The following COL4A1 variants were observed in gnomAD, a reference collection of about 807,000 sequenced individuals.
The protein encoded by COL4A1 is collagen alpha-1(IV) chain.
A neutral mutation model predicts 216.6 loss-of-function variants in COL4A1; 40 were observed. The observed-to-expected ratio is 0.18, with a 90% CI of 0.14 to 0.24. The LOEUF is 0.24. Ranked by LOEUF, COL4A1 falls within the 10% of genes least tolerant of loss-of-function variation. The probability of loss-of-function intolerance (pLI) is 1.00; values close to 1 mark genes in which losing one functional copy is unlikely to be tolerated. For missense variants in COL4A1, 1,628 were observed against 2,196.8 expected (o/e 0.74, Z 5.18); for synonymous variants, 839 against 810.7 (o/e 1.03, Z -0.59).
intron 1 of COL4A1, among the ~76,000 whole-genome samples, chr13:110,272,873 A>G (rs1883295978): frequency 1.3e-5 from 2 of 152,202 alleles, no homozygotes; most frequent in African/African-American, 4.8e-5. Flanking sequence ...ACCTGTCACC[A>G]TCAATAAGGT....
rs111460227 is a variant in COL4A1, at chr13:110,175,539, C to T, written c.3059-182G>A. 1.1e-4 allele frequency among the ~76,000 whole-genome samples: 16 copies of T among 152,334 alleles called. 1 individual carries two copies. Among genetic ancestry groups the T allele is most frequent in the South Asian group, 4.1e-4 (2 of 4,832 alleles). On this transcript the variant is annotated intron_variant, in intron 36 of 51. Transcript: ENST00000375820. ...ATCAATCGGCTCATGACCCAGAACA[C>T]GTCAGTCACCCAGATCACATCAGAG...
chr13:110,240,374 C>T (rs1566404657), intron 2 of COL4A1, among the ~76,000 whole-genome samples: 1 of 152,224 alleles, frequency 6.6e-6, no homozygotes, highest in East Asian at 1.9e-4. Context: ...GAGCAGGATC[C>T]TGCTCCTTCC....
chr13:110,181,487 C>T (rs371835969), intron 28 of COL4A1, 98 bp from the exon 29 acceptor site: 427 of 1,237,250 alleles, frequency 3.5e-4, no homozygotes, highest in Middle Eastern at 6.5e-4. Context: ...CCAGAGATGC[C>T]GACCTGATCT....
chr13:110,207,296 G>C lies in COL4A1; in HGVS notation c.780+107C>G. On this transcript the variant is annotated intron_variant, in intron 13 of 51. Transcript: ENST00000375820. The surrounding 1 kb of genome is among the most constrained non-coding windows in gnomAD (Gnocchi z 4.4). ...GTCTATAAATCTGTTTTCCAGACCA[G>C]GATTGAATGTAGCTGGAAAAACTGA... The C allele has an allele frequency of 2.1e-6, 2 of 961,408 alleles. No homozygotes were observed. Among genetic ancestry groups the C allele is most frequent in the South Asian group, 2.6e-5 (2 of 75,680 alleles). 59.6% of individuals were successfully genotyped at this position (961,408 alleles called of 1,614,324 possible). A position where few individuals can be genotyped will look rare whatever the true frequency, so the allele number is the denominator to read the frequency against.
chr13:110,227,401 CACACACACACACACACACACACACAA>C (rs1880784532), intron 2 of COL4A1, among the ~76,000 whole-genome samples: 1 of 143,428 alleles, frequency 7.0e-6, no homozygotes, highest in Non-Finnish European at 1.5e-5. Context: ...CACACACACA[CACACACACACACACACACACACACAA>C]ACACACACAA....
At chr13:110,173,143 G>T (rs537865188) in intron 40 of COL4A1, among the ~76,000 whole-genome samples, 1 of 152,336 alleles carries the variant, frequency 6.6e-6, no homozygotes, top group African/African-American at 2.4e-5. Context: ...ATTTGGGGCA[G>T]CAGATGCTGG....
intron 46 of COL4A1, 24 bp downstream of exon 46, chr13:110,164,838 C>A: frequency 6.2e-7 from 1 of 1,612,898 alleles, no homozygotes; most frequent in South Asian, 1.1e-5. Context: ...CCCATACCGC[C>A]CTGCACAGGC....
chr13:110,186,527 A>T lies in COL4A1; in HGVS notation c.1755T>A (p.Arg585=), dbSNP rs1878414603. ...SPGSVGLKGE[R]GPPGGVGFPG... ...GGAATCCAACTCCTCCAGGGGGGCC[A>T]CGCTCTCCTTTCAATCCTACAGAAC... Residue 585 remains arginine, a synonymous_variant, in exon 26 of 52, where the codon CGT becomes CGA. Transcript: ENST00000375820. The T allele has an allele frequency of 6.2e-7, 1 of 1,613,918 alleles. No homozygotes were observed. Among genetic ancestry groups the T allele is most frequent in the South Asian group, 1.1e-5 (1 of 91,086 alleles).
intron 2 of COL4A1, among the ~76,000 whole-genome samples, chr13:110,235,313 A>ATAAACAATGG (rs1481122261): frequency 2.0e-5 from 3 of 152,202 alleles, no homozygotes; most frequent in Admixed American, 6.5e-5. Flanking sequence ...GGTTAATATA[A>ATAAACAATGG]TTTATAGGAA....
chr13:110,262,103 T>C (rs1882851694), intron 1 of COL4A1, among the ~76,000 whole-genome samples: 1 of 152,106 alleles, frequency 6.6e-6, no homozygotes, highest in South Asian at 2.1e-4. Flanking sequence ...AGGGGAGGAA[T>C]GGAAAGAGGA....
At chr13:110,175,122 C>G (rs1877822268) in intron 37 of COL4A1, 96 bp downstream of exon 37, 2 of 1,488,940 alleles carry the variant, frequency 1.3e-6, no homozygotes, top group Non-Finnish European at 1.9e-6. Flanking sequence ...TGTGTTATGG[C>G]TCATTGAGTG....
Position 110,179,354 on chromosome 13 carries a change from G to A in COL4A1, c.2261C>T (p.Pro754Leu), listed in dbSNP as rs1175046684. 2 of 1,613,894 alleles carry A rather than the reference G, an allele frequency of 1.2e-6. No homozygotes were observed. Among genetic ancestry groups the A allele is most frequent in the African/African-American group, 2.7e-5 (2 of 74,854 alleles). Residue 754 changes from proline (P) to leucine (L), a missense_variant, in exon 30 of 52, where the codon CCC (proline) becomes CTC (leucine). Coordinates refer to ENST00000375820, the MANE Select transcript of COL4A1 (RefSeq NM_001845.6). The part of the protein sequence containing the change: ...LPGLPGIPGT[P>L]GEKGSIGVPG... ...TACCCCAATGCTCCCCTTCTCCCCG[G>A]GTGTGCCAGGAATGCCGGGAAGACC...
intron 1 of COL4A1, among the ~76,000 whole-genome samples, chr13:110,262,468 G>T (rs1434552103): frequency 2.0e-5 from 3 of 152,244 alleles, no homozygotes; most frequent in Admixed American, 2.0e-4. Flanking sequence ...GCATTTTTCA[G>T]AAGTTCCTTT....
At chr13:110,157,065 T>TC (rs1876819665) in intron 49 of COL4A1, among the ~76,000 whole-genome samples, 1 of 152,176 alleles carries the variant, frequency 6.6e-6, no homozygotes, top group Admixed American at 6.5e-5. Flanking sequence ...TCAGACTGTC[T>TC]CTGGGCTGAG....
chr13:110,254,632 T>C (rs964397803), intron 1 of COL4A1, among the ~76,000 whole-genome samples: 1 of 152,138 alleles, frequency 6.6e-6, no homozygotes, highest in Non-Finnish European at 1.5e-5. Flanking sequence ...GTAGGACCAC[T>C]TTTTTTCCTT....
At chr13:110,189,681 T>C (rs1878549619) in intron 24 of COL4A1, among the ~76,000 whole-genome samples, 1 of 152,244 alleles carries the variant, frequency 6.6e-6, no homozygotes, top group Non-Finnish European at 1.5e-5. Context: ...TTGGGATTTT[T>C]AAACTGTTTC....
chr13:110,299,175 C>T (rs1884396267), intron 1 of COL4A1, among the ~76,000 whole-genome samples: 1 of 152,192 alleles, frequency 6.6e-6, no homozygotes, highest in Admixed American at 6.5e-5. Flanking sequence ...TGCAAACTAA[C>T]GTCCCGACAC....
rs952960450 is a variant in COL4A1, at chr13:110,149,529, A to G, written c.*834T>C. The G allele has an allele frequency of 3.9e-5, 6 of 152,658 alleles. No homozygotes were observed. The highest frequency in any genetic ancestry group is 1.4e-4 in the African/African-American group (6 of 41,454). 9.5% of individuals were successfully genotyped at this position (152,658 alleles called of 1,614,324 possible). Reference sequence around the variant, plus strand: ...AACCTGGGTTTGGTTTTGGCAACACATAATTTTTGGTTTAGAAGTGAACAA... The same window carrying G: ...AACCTGGGTTTGGTTTTGGCAACACGTAATTTTTGGTTTAGAAGTGAACAA... On this transcript the variant is annotated 3_prime_UTR_variant, in exon 52 of 52. Coordinates refer to ENST00000375820, the MANE Select transcript of COL4A1 (RefSeq NM_001845.6).
rs995223 is a variant in COL4A1 at position 110,198,689 on chromosome 13, T to C, written c.1121-58A>G. 0.28 allele frequency: 442,134 copies of C among 1,600,012 alleles called. 63,580 individuals carry two copies. The highest frequency in any genetic ancestry group is 0.38 in the African/African-American group (28,753 of 74,686). On this transcript the variant is annotated intron_variant, in intron 20 of 51. Transcript: ENST00000375820. ...TCAGGGCCACTTAGCAACTACAGCA[T>C]AAACTCATTCTCCTAACTCTGTTCA...
Sources: gnomAD v4.1 joint callset for allele counts (sites outside exome capture counted in the v4.1 genomes callset) on GRCh38, gnomAD v4.1.1 for gene constraint, Gnocchi (gnomAD v3.1) non-coding constraint, MANE v1.5 for transcripts, NCBI Gene and HGNC (gene_info 2026-07-23, HGNC 2026-07-21) for gene names.